The following GNB1 variants were observed in gnomAD, a reference collection of about 807,000 sequenced individuals.
GNB1 encodes guanine nucleotide-binding protein G(I)/G(S)/G(T) subunit beta-1.
GNB1 carries 2 observed loss-of-function variants against 42.9 expected under a neutral mutation model. The ratio of observed to expected loss-of-function variants is 0.05; its 90% CI spans 0.02 to 0.15. GNB1 has a LOEUF of 0.15. Among genes scored for constraint, GNB1 ranks in the 10% least tolerant of loss-of-function variants. The pLI is 1.00. For synonymous variants in GNB1, 183 were observed against 174.7 expected, an observed-to-expected ratio of 1.05 and a Z score of -0.38; for missense variants, 193 against 462.2, an observed-to-expected ratio of 0.42 and a Z score of 5.34.
Position 1,856,530 on chromosome 1 carries a change from T to C in GNB1, c.-95-17292A>G, listed in dbSNP as rs145542638. The stretch of plus-strand genomic sequence containing the variant: ...GCAACCTCCACCTCCTGGGTTCAGG[T>C]GATTCTCCTGCCTCAGCCTCCCGAG... On this transcript the variant is annotated intron_variant, in intron 1 of 11. Transcript: ENST00000378609. Among the ~76,000 whole-genome samples the C allele has an allele frequency of 6.7e-3, 1,023 of 152,146 alleles. 16 individuals are homozygous for C. Among genetic ancestry groups the C allele is most frequent in the African/African-American group, 0.023 (975 of 41,532 alleles).
intron 1 of GNB1, among the ~76,000 whole-genome samples, chr1:1,844,068 G>A (rs1647479186): frequency 6.6e-6 from 1 of 151,998 alleles, no homozygotes; most frequent in African/African-American, 2.4e-5. Context: ...GGTGGCGGGT[G>A]CCTGTAGTCC....
chr1:1,873,103 T>A (rs1362982512), intron 1 of GNB1, among the ~76,000 whole-genome samples: 5 of 152,092 alleles, frequency 3.3e-5, no homozygotes, highest in Non-Finnish European at 7.4e-5. Flanking sequence ...TCTCACTATG[T>A]TGTCCAGGCT....
At chr1:1,837,066 A>ATGGTT (rs998763078) in intron 2 of GNB1, among the ~76,000 whole-genome samples, 1 of 151,996 alleles carries the variant, frequency 6.6e-6, no homozygotes, top group African/African-American at 2.4e-5. Flanking sequence ...CTGCCAGACT[A>ATGGTT]TGGTTTGTCT....
intron 1 of GNB1, among the ~76,000 whole-genome samples, chr1:1,877,620 G>A (rs1047508118): frequency 2.0e-5 from 3 of 152,124 alleles, no homozygotes; most frequent in Non-Finnish European, 4.4e-5. Context: ...TTACAGGCAT[G>A]AGCCACCATG....
At chr1:1,824,322 C>T (rs956629163) in intron 3 of GNB1, among the ~76,000 whole-genome samples, 11 of 152,080 alleles carry the variant, frequency 7.2e-5, no homozygotes, top group Admixed American at 5.9e-4. Context: ...TCCATTTAGA[C>T]CTACTGCTCC....
chr1:1,806,295 C>G (rs1277567649), intron 6 of GNB1, among the ~76,000 whole-genome samples, 180 bp downstream of exon 6: 1 of 152,184 alleles, frequency 6.6e-6, no homozygotes, highest in East Asian at 1.9e-4. Flanking sequence ...AGGAAGAGAC[C>G]GTGACAGGTG....
Position 1,807,644 on chromosome 1 carries a change from A to G in GNB1, c.204-1106T>C, listed in dbSNP as rs981975958. On this transcript the variant is annotated intron_variant, in intron 5 of 11. Transcript: ENST00000378609. ...GGCGTTCCCTCCTCACCTGCTTGGTAAACAACAGCACCACTGCGCATGGTC... is the reference window on the plus strand; with the variant it reads ...GGCGTTCCCTCCTCACCTGCTTGGTGAACAACAGCACCACTGCGCATGGTC... Among the ~76,000 whole-genome samples, 6 of 152,172 alleles carry G rather than the reference A, an allele frequency of 3.9e-5. No individual in the cohort carries two copies. In the South Asian group the frequency reaches 6.2e-4, roughly 16 times the overall value.
intron 3 of GNB1, among the ~76,000 whole-genome samples, chr1:1,820,086 G>A (rs1646911574): frequency 6.6e-6 from 1 of 152,146 alleles, no homozygotes; most frequent in Non-Finnish European, 1.5e-5. Flanking sequence ...GTCAGGCGCA[G>A]TGGCTCATGC....
intron 5 of GNB1, among the ~76,000 whole-genome samples, chr1:1,811,850 G>A (rs1262718029): frequency 2.0e-5 from 3 of 151,872 alleles, no homozygotes; most frequent in African/African-American, 7.3e-5. Flanking sequence ...CAGATCATGA[G>A]GTCAGGAGAT....
chr1:1,885,787 T>G (rs1158067186), intron 1 of GNB1, among the ~76,000 whole-genome samples: 3 of 150,500 alleles, frequency 2.0e-5, no homozygotes, highest in Admixed American at 6.6e-5. Context: ...CTCAATCTCC[T>G]GACCTCGTGA....
chr1:1,786,288 T>TA lies in GNB1; in HGVS notation c.*774dup. 2.6e-6 allele frequency: 1 copy of TA among 381,752 alleles called. No homozygotes were observed. Among genetic ancestry groups the TA allele is most frequent in the Non-Finnish European group, 4.6e-6 (1 of 215,648 alleles). 23.6% of individuals were successfully genotyped at this position (381,752 alleles called of 1,614,324 possible). ...GAGATTAAAAACTCAACTGAGAAGA[T>TA]AGACAGGATGGGTCAGGAGGAACAT... On this transcript the variant is annotated 3_prime_UTR_variant, in exon 12 of 12. Transcript: ENST00000378609.
chr1:1,887,396 G>A (rs1188023454), intron 1 of GNB1, among the ~76,000 whole-genome samples: 1 of 152,180 alleles, frequency 6.6e-6, no homozygotes, highest in Non-Finnish European at 1.5e-5. Flanking sequence ...TAGCTACAAA[G>A]CTACAACTTT....
At chr1:1,817,220 TCTCA>T (rs1378494189) in intron 4 of GNB1, among the ~76,000 whole-genome samples, 4 of 152,386 alleles carry the variant, frequency 2.6e-5, no homozygotes, top group East Asian at 1.9e-4. Context: ...GTTTGGCTTC[TCTCA>T]CTATCGTAAT....
intron 2 of GNB1, among the ~76,000 whole-genome samples, chr1:1,830,322 G>A (rs1438199436): frequency 2.7e-5 from 4 of 150,240 alleles, no homozygotes; most frequent in Non-Finnish European, 5.9e-5. Flanking sequence ...GTGCAGTGGC[G>A]CGATCTCAGC....
At chr1:1,801,825 A>G (rs1228827437) in intron 7 of GNB1, among the ~76,000 whole-genome samples, 1 of 152,254 alleles carries the variant, frequency 6.6e-6, no homozygotes, top group East Asian at 1.9e-4. Context: ...GGCGGGCAGA[A>G]AAAACCAAGA....
At chr1:1,850,781 T>C (rs1374170427) in intron 1 of GNB1, among the ~76,000 whole-genome samples, 3 of 152,192 alleles carry the variant, frequency 2.0e-5, no homozygotes, top group Non-Finnish European at 2.9e-5. Flanking sequence ...AATCGCTTTT[T>C]TGTGTATCTC....
intron 6 of GNB1, among the ~76,000 whole-genome samples, chr1:1,805,788 T>C (rs1215519311): frequency 6.6e-6 from 1 of 152,126 alleles, no homozygotes; most frequent in Non-Finnish European, 1.5e-5. Flanking sequence ...GTGATCCACC[T>C]GCTTCAGCCT....
At chr1:1,850,798 T>A (rs772387942) in intron 1 of GNB1, among the ~76,000 whole-genome samples, 6 of 152,184 alleles carry the variant, frequency 3.9e-5, no homozygotes, top group Non-Finnish European at 8.8e-5. Flanking sequence ...TCTCATAATT[T>A]TTTATTGAAT....
chr1:1,865,240 T>C (rs1453041010), intron 1 of GNB1, among the ~76,000 whole-genome samples: 2 of 125,264 alleles, frequency 1.6e-5, no homozygotes, highest in African/African-American at 3.1e-5. Context: ...CCAGCCTGGG[T>C]GACAGAGTGA....
Sources: allele counts gnomAD v4.1 joint callset (sites outside exome capture counted in the v4.1 genomes callset), GRCh38; gene constraint gnomAD v4.1.1; transcripts MANE v1.5; gene names NCBI Gene and HGNC (gene_info 2026-07-23, HGNC 2026-07-21).